The following CCDC7 variants were observed in gnomAD, a reference collection of about 807,000 sequenced individuals.
The protein encoded by CCDC7 is coiled-coil domain-containing protein 7.
A neutral mutation model predicts 196.9 loss-of-function variants in CCDC7; 183 were observed. The ratio of observed to expected loss-of-function variants is 0.93; its 90% CI spans 0.82 to 1.05. The LOEUF is 1.05. Ranked by LOEUF, CCDC7 falls within the 50% of genes least tolerant of loss-of-function variation. The pLI is 0.00. For synonymous variants in CCDC7, 525 were observed against 484.6 expected (o/e 1.08, Z -1.10); for missense variants, 1,540 against 1,482.2 (o/e 1.04, Z -0.64).
intron 41 of CCDC7, among the ~76,000 whole-genome samples, chr10:32,868,431 A>T (rs1008467421): frequency 6.6e-6 from 1 of 151,950 alleles, no homozygotes; most frequent in African/African-American, 2.4e-5. Flanking sequence ...CTCAATTCTC[A>T]TATGGATCTA....
At chr10:32,532,115 G>T (rs930876283) in intron 11 of CCDC7, among the ~76,000 whole-genome samples, 3 of 151,808 alleles carry the variant, frequency 2.0e-5, no homozygotes, top group African/African-American at 7.3e-5. Flanking sequence ...GTAGTTCCTT[G>T]AGGTTCATCA....
Position 32,820,586 on chromosome 10 carries a change from CA to C in CCDC7, c.3182-3928del, listed in dbSNP as rs559651555. On this transcript the variant is annotated intron_variant, in intron 31 of 41. Coordinates refer to ENST00000639629, the Ensembl canonical transcript of CCDC7. ...AACTATACTACAAGGCTACAGTAACCAAAAGAGCATGGTACTGGTACCAAAA... is the reference window on the plus strand; with the variant it reads ...AACTATACTACAAGGCTACAGTAACCAAAGAGCATGGTACTGGTACCAAAA... Among the ~76,000 whole-genome samples, 1,456 of 152,208 alleles carry C rather than the reference CA, an allele frequency of 9.6e-3. 24 individuals carry two copies. The highest frequency in any genetic ancestry group is 0.027 in the African/African-American group (1,117 of 41,512).
At chr10:32,808,031 C>G (rs1344432680) in intron 30 of CCDC7, among the ~76,000 whole-genome samples, 2 of 152,098 alleles carry the variant, frequency 1.3e-5, no homozygotes, top group Non-Finnish European at 2.9e-5. Flanking sequence ...CCACTGAGAG[C>G]AACTCAATCC....
At chr10:32,746,925 C>T (rs914204906) in intron 28 of CCDC7, among the ~76,000 whole-genome samples, 6 of 152,240 alleles carry the variant, frequency 3.9e-5, no homozygotes, top group East Asian at 1.9e-4. Context: ...GACAGCACTA[C>T]GCTGCTGCCT....
intron 28 of CCDC7, 90 bp from the exon 30 acceptor site, chr10:32,778,887 T>G: frequency 1.1e-6 from 1 of 893,106 alleles, no homozygotes; most frequent in South Asian, 1.6e-5. Flanking sequence ...TGTAGAGATC[T>G]TTCACCTTCT....
At chr10:32,632,703 C>A (rs1371268982) in intron 18 of CCDC7, among the ~76,000 whole-genome samples, 4 of 152,066 alleles carry the variant, frequency 2.6e-5, no homozygotes. Context: ...ACCCATTGGT[C>A]ATTTAGGAGT....
chr10:32,641,239 A>C (rs1399155388), intron 20 of CCDC7, among the ~76,000 whole-genome samples: 1 of 152,136 alleles, frequency 6.6e-6, no homozygotes, highest in Non-Finnish European at 1.5e-5. Context: ...TAATATCCTG[A>C]AGAGTGTTTT....
chr10:32,456,068 A>G (rs548975502), intron 2 of CCDC7, among the ~76,000 whole-genome samples, 183 bp from the exon 4 acceptor site: 1 of 152,248 alleles, frequency 6.6e-6, no homozygotes, highest in South Asian at 2.1e-4. Flanking sequence ...ACTTTCTTTC[A>G]TATTTTTTCT....
At chr10:32,751,519 C>A (rs1046382779) in intron 28 of CCDC7, among the ~76,000 whole-genome samples, 1 of 151,982 alleles carries the variant, frequency 6.6e-6, no homozygotes, top group Admixed American at 6.6e-5. Context: ...ATTGGGAAAT[C>A]AAGTAAAAGT....
At chr10:32,696,339 A>G (rs1419474611) in intron 24 of CCDC7, among the ~76,000 whole-genome samples, 1 of 152,122 alleles carries the variant, frequency 6.6e-6, no homozygotes, top group Non-Finnish European at 1.5e-5. Flanking sequence ...GATTTTGGGG[A>G]TCACAGTCGC....
exon 25 of CCDC7, chr10:32,711,660 T>G (rs754407746): frequency 6.3e-7 from 1 of 1,596,354 alleles, no homozygotes; most frequent in Non-Finnish European, 8.5e-7. Flanking sequence ...TGCTTAAACA[T>G]CAAGATTCAG....
chr10:32,861,219 C>T (rs2093972089), intron 41 of CCDC7, among the ~76,000 whole-genome samples: 1 of 149,000 alleles, frequency 6.7e-6, no homozygotes. Flanking sequence ...GGTACCAAAA[C>T]AGATATATAG....
intron 30 of CCDC7, among the ~76,000 whole-genome samples, chr10:32,809,400 A>G (rs898120994): frequency 1.3e-5 from 2 of 152,164 alleles, no homozygotes; most frequent in African/African-American, 2.4e-5. Flanking sequence ...AAAAGAACCA[A>G]ACAGAAATCC....
intron 24 of CCDC7, among the ~76,000 whole-genome samples, chr10:32,701,225 G>T (rs1431726404): frequency 6.6e-6 from 1 of 152,158 alleles, no homozygotes; most frequent in Non-Finnish European, 1.5e-5. Context: ...TTTGAGATAT[G>T]TCCCATCAAT....
intron 3 of CCDC7, among the ~76,000 whole-genome samples, chr10:32,462,411 A>C (rs1378969364): frequency 1.3e-5 from 2 of 152,118 alleles, no homozygotes; most frequent in African/African-American, 2.4e-5. Flanking sequence ...GGTGACAGTG[A>C]GATTCTGTCT....
At chr10:32,588,266 G>A (rs1407692740) in intron 18 of CCDC7, among the ~76,000 whole-genome samples, 1 of 152,156 alleles carries the variant, frequency 6.6e-6, no homozygotes, top group Non-Finnish European at 1.5e-5. Context: ...ATGGACTAAG[G>A]CAGGTATATT....
At chr10:32,880,211 C>G (rs749737785), downstream of CCDC7, among the ~76,000 whole-genome samples, 2 of 152,142 alleles carry the variant, frequency 1.3e-5, no homozygotes, top group African/African-American at 4.8e-5. Flanking sequence ...TCGCCAGCAT[C>G]TGTTGTTTCT....
At chr10:32,820,681 T>A (rs772244806) in intron 31 of CCDC7, among the ~76,000 whole-genome samples, 1 of 152,144 alleles carries the variant, frequency 6.6e-6, no homozygotes, top group Non-Finnish European at 1.5e-5. Flanking sequence ...AACTATCTGA[T>A]CTTTGACAAA....
At chr10:32,821,328 A>T (rs2135593578) in intron 31 of CCDC7, among the ~76,000 whole-genome samples, 1 of 152,224 alleles carries the variant, frequency 6.6e-6, no homozygotes, top group Middle Eastern at 3.4e-3. Flanking sequence ...GCTGGAGAGG[A>T]TGTGGAGAAA....
Sources: allele counts gnomAD v4.1 joint callset (sites outside exome capture counted in the v4.1 genomes callset), GRCh38; gene constraint gnomAD v4.1.1; transcripts MANE v1.5; gene names NCBI Gene and HGNC (gene_info 2026-07-23, HGNC 2026-07-21).